Variants in LRP1B observed in about 807,000 individuals in gnomAD.
LRP1B encodes the protein LDL receptor related protein 1B.
A neutral mutation model predicts 556.6 loss-of-function variants in LRP1B; 217 were observed. That is an observed-to-expected ratio of 0.39 (90% CI 0.35 to 0.44). The LOEUF is 0.44. Among genes scored for constraint, LRP1B ranks in the 20% least tolerant of loss-of-function variants. LRP1B has a pLI of 1.00. For missense variants in LRP1B, 5,053 were observed against 5,620.8 expected (o/e 0.90, Z 3.23); for synonymous variants, 2,047 against 1,865.8 (o/e 1.10, Z -2.50).
chr2:141,118,601 A>C (rs1219639010), intron 7 of LRP1B, among the ~76,000 whole-genome samples: 1 of 151,968 alleles, frequency 6.6e-6, no homozygotes, highest in African/African-American at 2.4e-5. Context: ...TCACTGAATC[A>C]AATTCAATGG....
intron 90 of LRP1B, among the ~76,000 whole-genome samples, chr2:140,233,593 A>G (rs1680566975): frequency 6.6e-6 from 1 of 151,252 alleles, no homozygotes; most frequent in Non-Finnish European, 1.5e-5. Flanking sequence ...AAAGCCAGAA[A>G]AAAATCTTTG....
chr2:140,602,167 A>C lies in LRP1B; in HGVS notation c.6800-528T>G, dbSNP rs142792034. Among the ~76,000 whole-genome samples, 174 of 151,624 alleles carry C rather than the reference A, an allele frequency of 1.1e-3. 1 individual carries two copies. The highest frequency in any genetic ancestry group is 7.1e-3 in the Admixed American group (108 of 15,172). ...TGGTAGATAATGTTTTAATAGGTTAATGTGTCAATTTATTTGCTTCTATCC... is the reference window on the plus strand; with the variant it reads ...TGGTAGATAATGTTTTAATAGGTTACTGTGTCAATTTATTTGCTTCTATCC... On this transcript the variant is annotated intron_variant, in intron 41 of 90. Transcript: ENST00000389484.
intron 37 of LRP1B, among the ~76,000 whole-genome samples, chr2:140,705,765 G>A (rs961063606): frequency 2.0e-5 from 3 of 151,914 alleles, no homozygotes; most frequent in African/African-American, 4.8e-5. Flanking sequence ...CTTTTCCTGT[G>A]GAAAACAGTA....
intron 43 of LRP1B, among the ~76,000 whole-genome samples, chr2:140,591,549 T>G (rs1682225394): frequency 6.6e-6 from 1 of 152,178 alleles, no homozygotes; most frequent in Non-Finnish European, 1.5e-5. Context: ...CTATTCCTTC[T>G]ACGACTTTGG....
intron 1 of LRP1B, among the ~76,000 whole-genome samples, chr2:141,945,933 TTTATTTA>T (rs1558978682): frequency 4.6e-5 from 7 of 151,060 alleles, no homozygotes; most frequent in Admixed American, 1.3e-4. Context: ...ACCAGCAGGA[TTTATTTA>T]TTTATTTATT....
chr2:141,562,849 G>A (rs1354119939), intron 2 of LRP1B, among the ~76,000 whole-genome samples: 1 of 151,916 alleles, frequency 6.6e-6, no homozygotes, highest in Non-Finnish European at 1.5e-5. Context: ...TTTGAGGAAG[G>A]AAATTTCCTC....
chr2:140,500,040 A>C lies in LRP1B; in HGVS notation c.8850+1647T>G, dbSNP rs370095996. 3.9e-5 allele frequency among the ~76,000 whole-genome samples: 6 copies of C among 152,094 alleles called. No homozygotes were observed. The East Asian group carries it at 5.8e-4, about 15-fold the overall frequency. On this transcript the variant is annotated intron_variant, in intron 55 of 90. Coordinates refer to ENST00000389484, the MANE Select transcript of LRP1B (RefSeq NM_018557.3). ...CTGGTTTTTAAAATATTTACTGCCA[A>C]CATTAATTATCTGATGCATGCTCAT...
intron 3 of LRP1B, among the ~76,000 whole-genome samples, chr2:141,461,525 G>T (rs1364830922): frequency 6.6e-6 from 1 of 152,024 alleles, no homozygotes; most frequent in African/African-American, 2.4e-5. Context: ...TCTAATAAGT[G>T]GTATCTATAC....
At chr2:141,195,704 T>G (rs1681721235) in intron 6 of LRP1B, among the ~76,000 whole-genome samples, 1 of 152,050 alleles carries the variant, frequency 6.6e-6, no homozygotes, top group South Asian at 2.1e-4. Context: ...CCCTGAGAAA[T>G]TTAAAGACAC....
At chr2:140,367,978 A>G (rs905962198) in intron 71 of LRP1B, among the ~76,000 whole-genome samples, 6 of 151,802 alleles carry the variant, frequency 4.0e-5, no homozygotes, top group African/African-American at 1.4e-4. Flanking sequence ...TATTTAAAAG[A>G]AGAGAACTAT....
At chr2:140,363,487 T>TA (rs1034740035) in intron 72 of LRP1B, among the ~76,000 whole-genome samples, 7 of 151,696 alleles carry the variant, frequency 4.6e-5, no homozygotes, top group South Asian at 2.1e-4. Context: ...ACATAATTGA[T>TA]AAAAATAATA....
chr2:141,018,923 G>A (rs904886518), intron 12 of LRP1B, among the ~76,000 whole-genome samples: 4 of 151,822 alleles, frequency 2.6e-5, no homozygotes, highest in South Asian at 2.1e-4. Flanking sequence ...TGGTAATCTC[G>A]GTTTATAAGG....
Position 140,716,000 on chromosome 2 carries a change from C to T in LRP1B, c.5996G>A (p.Arg1999Lys), listed in dbSNP as rs2105461379. 5 of 1,609,302 alleles carry T rather than the reference C, an allele frequency of 3.1e-6. No individual in the cohort carries two copies. The highest frequency in any genetic ancestry group is 4.2e-6 in the Non-Finnish European group (5 of 1,177,082). Residue 1999 changes from arginine (R) to lysine (K), a missense_variant, in exon 37 of 91, where the codon AGA (arginine) becomes AAA (lysine). This residue lies in a region of LRP1B where 3,619 missense variants were observed against 3,931.9 expected (regional missense o/e 0.92). Transcript: ENST00000389484. ...VIISQGLDQPRSIAVHPEKGL... is the reference protein window; with the variant it reads ...VIISQGLDQPKSIAVHPEKGL... ...TTTCTCTGGGTGCACAGCTATAGAT[C>T]TTGGTTGATCCAGGCCTTGGGAAAT...
At chr2:140,400,994 G>A (rs996384681) in intron 66 of LRP1B, among the ~76,000 whole-genome samples, 8 of 152,168 alleles carry the variant, frequency 5.3e-5, no homozygotes, top group African/African-American at 1.9e-4. Flanking sequence ...TGTAAACTAA[G>A]GGAAGCCATT....
chr2:140,563,242 A>G (rs1218276612), intron 43 of LRP1B, among the ~76,000 whole-genome samples: 1 of 152,088 alleles, frequency 6.6e-6, no homozygotes, highest in Admixed American at 6.6e-5. Context: ...GAAACAACAG[A>G]CAAAGTCTAA....
chr2:141,998,742 T>C (rs932712257), intron 1 of LRP1B, among the ~76,000 whole-genome samples: 5 of 152,064 alleles, frequency 3.3e-5, no homozygotes, highest in African/African-American at 1.2e-4. Context: ...AACCTGAAGG[T>C]CGTAGGAGAG....
At chr2:141,169,562 T>C (rs1238180297) in intron 7 of LRP1B, among the ~76,000 whole-genome samples, 1 of 151,698 alleles carries the variant, frequency 6.6e-6, no homozygotes, top group East Asian at 1.9e-4. Flanking sequence ...TGACATGAGA[T>C]ACAGAAATTA....
rs750686586 is a variant in LRP1B, at chr2:140,270,384, AT to A, written c.13143-39del. On this transcript the variant is annotated intron_variant, in intron 85 of 90. Transcript: ENST00000389484. ...AGAAAAAAAGAACAATTTCATTGTT[AT>A]TGGCAACATTATTGCTGAAAGCTGA... is the stretch of plus-strand genomic sequence containing the variant. 17 of 1,247,442 alleles carry A rather than the reference AT, an allele frequency of 1.4e-5. No individual in the cohort carries two copies. In the African/African-American group the frequency reaches 2.2e-4, roughly 16 times the overall value. 77.3% of individuals were successfully genotyped at this position (1,247,442 alleles called of 1,614,324 possible). A position where few individuals can be genotyped will look rare whatever the true frequency, so the allele number is the denominator to read the frequency against.
chr2:141,548,758 A>C (rs566557703), intron 2 of LRP1B, among the ~76,000 whole-genome samples: 9 of 152,298 alleles, frequency 5.9e-5, no homozygotes, highest in African/African-American at 1.7e-4. Context: ...AATCCTGCTT[A>C]ATGACAGTGC....
Sources: gnomAD v4.1 joint callset for allele counts (sites outside exome capture counted in the v4.1 genomes callset) on GRCh38, gnomAD v4.1.1 for gene constraint, gnomAD v4.1.1 regional missense constraint, MANE v1.5 for transcripts, NCBI Gene and HGNC (gene_info 2026-07-23, HGNC 2026-07-21) for gene names.